The following FOXP2 variants were observed in gnomAD, a reference collection of about 807,000 sequenced individuals.
FOXP2 encodes forkhead box protein P2.
FOXP2 carries 12 observed loss-of-function variants against 115.8 expected under a neutral mutation model. The ratio of observed to expected loss-of-function variants is 0.10; its 90% CI spans 0.07 to 0.17. The LOEUF is 0.17. FOXP2 is among the 10% of genes least tolerant of loss of function. The pLI, the probability that FOXP2 is intolerant of heterozygous loss-of-function variation, is 1.00. For missense variants in FOXP2, 629 were observed against 843.5 expected (o/e 0.75, Z 3.15); for synonymous variants, 328 against 297.7 (o/e 1.10, Z -1.05).
At chr7:114,176,285 T>TTTC (rs1793300127) in intron 1 of FOXP2, among the ~76,000 whole-genome samples, 1 of 41,400 alleles carries the variant, frequency 2.4e-5, no homozygotes, top group African/African-American at 6.0e-5. Flanking sequence ...TCTTTCTTTC[T>TTTC]TTCTTTCTTT....
intron 3 of FOXP2, among the ~76,000 whole-genome samples, chr7:114,595,669 C>G (rs569997079): frequency 1.3e-5 from 2 of 152,092 alleles, no homozygotes; most frequent in South Asian, 4.1e-4. Context: ...TTCTCTTTAG[C>G]ATTGTAGGAA....
Position 114,171,740 on chromosome 7 carries a change from G to A in FOXP2, c.-102+8652G>A, listed in dbSNP as rs548361774. Reference sequence around the variant, plus strand: ...TTACTTAAGAGATATATTTCATAAGGCTGTACCTGCTATAGGTAGTAGATT... The same window carrying A: ...TTACTTAAGAGATATATTTCATAAGACTGTACCTGCTATAGGTAGTAGATT... On this transcript the variant is annotated intron_variant, in intron 1 of 17. Transcript: ENST00000634411. Among the ~76,000 whole-genome samples, 12 of 152,294 alleles carry A rather than the reference G, an allele frequency of 7.9e-5. No homozygotes were observed. In the South Asian group the frequency reaches 2.5e-3, roughly 32 times the overall value.
intron 3 of FOXP2, among the ~76,000 whole-genome samples, chr7:114,552,064 A>G (rs764211284): frequency 6.6e-6 from 1 of 152,204 alleles, no homozygotes; most frequent in Non-Finnish European, 1.5e-5. Context: ...GTTAACACAT[A>G]TTTTACATTG....
At chr7:114,647,649 A>T (rs1805986997) in intron 8 of FOXP2, among the ~76,000 whole-genome samples, 1 of 151,992 alleles carries the variant, frequency 6.6e-6, no homozygotes, top group Non-Finnish European at 1.5e-5. Context: ...CTAATTGAGT[A>T]TCTCACTAGA....
chr7:114,584,612 G>A (rs1057002349), intron 3 of FOXP2, among the ~76,000 whole-genome samples: 1 of 151,880 alleles, frequency 6.6e-6, no homozygotes. Flanking sequence ...CCCTCTTTCT[G>A]TCAACTATCT....
intron 1 of FOXP2, among the ~76,000 whole-genome samples, chr7:114,165,527 AC>A (rs1792956781): frequency 6.6e-6 from 1 of 152,238 alleles, no homozygotes; most frequent in Non-Finnish European, 1.5e-5. Flanking sequence ...GTTTATATTA[AC>A]ACCAAAAAGA....
At chr7:114,137,840 G>T (rs1792083400) in intron 1 of FOXP2, among the ~76,000 whole-genome samples, 1 of 152,074 alleles carries the variant, frequency 6.6e-6, no homozygotes, top group African/African-American at 2.4e-5. Context: ...ATATATAGGG[G>T]TTAGTATACA....
chr7:114,098,542 C>G (rs1215288703), intron 1 of FOXP2, among the ~76,000 whole-genome samples: 1 of 151,944 alleles, frequency 6.6e-6, no homozygotes, highest in African/African-American at 2.4e-5. Context: ...GAAATTGGAC[C>G]CTTATCTTAC....
At chr7:114,238,241 A>G (rs913117262) in intron 1 of FOXP2, among the ~76,000 whole-genome samples, 8 of 151,530 alleles carry the variant, frequency 5.3e-5, no homozygotes, top group African/African-American at 1.7e-4. Flanking sequence ...AACTTGACCT[A>G]TATCTACCAT....
At chr7:114,123,678 G>T (rs536651879) in intron 1 of FOXP2, among the ~76,000 whole-genome samples, 35 of 151,948 alleles carry the variant, frequency 2.3e-4, no homozygotes, top group Non-Finnish European at 5.0e-4. Flanking sequence ...CATTATAAAT[G>T]GTAGTTGGAC....
intron 2 of FOXP2, among the ~76,000 whole-genome samples, chr7:114,317,251 C>T (rs1916977): frequency 0.66 from 100,298 of 152,024 alleles, 34,328 homozygotes; most frequent in South Asian, 0.83. Flanking sequence ...GAGACAGTCA[C>T]TGGAGCTATA....
intron 1 of FOXP2, among the ~76,000 whole-genome samples, chr7:114,260,787 C>A (rs1795728885): frequency 6.6e-6 from 1 of 151,650 alleles, no homozygotes; most frequent in Non-Finnish European, 1.5e-5. Flanking sequence ...TTATCAGATC[C>A]AAGCTAGTGA....
Position 114,334,939 on chromosome 7 carries a change from A to ATATATATTTTATATATATAGAAATC in FOXP2, c.-11+46837_-11+46838insTTTATATATATAGAAATCTATATAT, listed in dbSNP as rs1324368445. Reference sequence around the variant, plus strand: ...TTTATATATATAGAAATCTATATATATATATATATATATATATATAGAAAT... The same window carrying ATATATATTTTATATATATAGAAATC: ...TTTATATATATAGAAATCTATATATATATATATTTTATATATATAGAAATCTATATATATATATATATATAGAAAT... On this transcript the variant is annotated intron_variant, in intron 2 of 17. Coordinates refer to the FOXP2 transcript ENST00000634411. Among the ~76,000 whole-genome samples the ATATATATTTTATATATATAGAAATC allele has an allele frequency of 2.3e-3, 324 of 143,930 alleles. 2 individuals are homozygous for ATATATATTTTATATATATAGAAATC. Among genetic ancestry groups the ATATATATTTTATATATATAGAAATC allele is most frequent in the African/African-American group, 7.9e-3 (314 of 39,672 alleles). 94.4% of individuals were successfully genotyped at this position (143,930 alleles called of 152,430 possible).
Position 114,471,323 on chromosome 7 carries a change from A to AT in FOXP2, c.168+44650dup, listed in dbSNP as rs550412437. The stretch of plus-strand genomic sequence containing the variant: ...TATTCAGAGAATATTGCATTTCTAT[A>AT]TTTTTTCTCCAATCAGTCCCAATTG... On this transcript the variant is annotated intron_variant, in intron 2 of 16. Transcript: ENST00000350908. Among the ~76,000 whole-genome samples the AT allele has an allele frequency of 1.2e-3, 175 of 152,132 alleles. 1 individual carries two copies. Among genetic ancestry groups the AT allele is most frequent in the Non-Finnish European group, 1.8e-3 (119 of 67,978 alleles).
At chr7:114,268,167 A>G (rs1251941247) in intron 1 of FOXP2, among the ~76,000 whole-genome samples, 1 of 152,222 alleles carries the variant, frequency 6.6e-6, no homozygotes, top group Non-Finnish European at 1.5e-5. Flanking sequence ...TTAAGGCTAA[A>G]TAATATTCCA....
chr7:114,438,490 A>G (rs561653539), intron 2 of FOXP2, among the ~76,000 whole-genome samples: 13 of 151,944 alleles, frequency 8.6e-5, no homozygotes, highest in African/African-American at 3.1e-4. Flanking sequence ...ATATTATCCT[A>G]TGGAAATATT....
At chr7:114,309,615 C>G (rs1797096128) in intron 2 of FOXP2, among the ~76,000 whole-genome samples, 1 of 151,992 alleles carries the variant, frequency 6.6e-6, no homozygotes, top group Non-Finnish European at 1.5e-5. Context: ...TCAAGATTGT[C>G]TGATCAGCAG....
At chr7:114,157,149 G>A (rs1792692949) in intron 1 of FOXP2, among the ~76,000 whole-genome samples, 1 of 152,092 alleles carries the variant, frequency 6.6e-6, no homozygotes, top group African/African-American at 2.4e-5. Context: ...AAATGACTCA[G>A]TAATTTCTTC....
intron 2 of FOXP2, among the ~76,000 whole-genome samples, chr7:114,505,924 C>T (rs149066744): frequency 5.3e-5 from 8 of 151,614 alleles, no homozygotes; most frequent in Middle Eastern, 3.4e-3. Context: ...TTTTTTGTAG[C>T]GTACTGTTTC....
Sources: allele counts gnomAD v4.1 joint callset (sites outside exome capture counted in the v4.1 genomes callset), GRCh38; gene constraint gnomAD v4.1.1; transcripts MANE v1.5; gene names NCBI Gene and HGNC (gene_info 2026-07-23, HGNC 2026-07-21).